Variants in KCNK10 observed in about 807,000 individuals in gnomAD.
The protein encoded by KCNK10 is potassium two pore domain channel subfamily K member 10.
A neutral mutation model predicts 47.7 loss-of-function variants in KCNK10; 25 were observed. That is an observed-to-expected ratio of 0.52 (90% CI 0.38 to 0.73). The LOEUF is 0.73. Among genes scored for constraint, KCNK10 ranks in the 30% least tolerant of loss-of-function variants. The pLI, the probability that KCNK10 is intolerant of heterozygous loss-of-function variation, is 0.00. For synonymous variants in KCNK10, 303 were observed against 285.6 expected (o/e 1.06, Z -0.61); for missense variants, 563 against 714.5 (o/e 0.79, Z 2.42).
intron 1 of KCNK10, among the ~76,000 whole-genome samples, chr14:88,281,161 CCACT>C (rs1027225654): frequency 6.6e-5 from 10 of 152,200 alleles, no homozygotes; most frequent in African/African-American, 2.4e-4. Context: ...CACTCGGTTA[CCACT>C]CAGTTTCTTT....
At chr14:88,234,485 C>G (rs753440825) in intron 3 of KCNK10, among the ~76,000 whole-genome samples, 1 of 152,208 alleles carries the variant, frequency 6.6e-6, no homozygotes, top group Non-Finnish European at 1.5e-5. Context: ...AAACCTGTGC[C>G]GCTAAACCAA....
chr14:88,237,970 T>C (rs2104122), intron 3 of KCNK10, among the ~76,000 whole-genome samples: 30,123 of 152,114 alleles, frequency 0.2, 3,217 homozygotes, highest in East Asian at 0.38. Context: ...AAGTCCTAGA[T>C]GGCATCTTGT....
chr14:88,267,836 G>T lies in KCNK10; in HGVS notation c.53-4285C>A, dbSNP rs571372128. Among the ~76,000 whole-genome samples the T allele has an allele frequency of 9.8e-5, 15 of 152,304 alleles. No individual in the cohort carries two copies. In the South Asian group the frequency reaches 2.9e-3, roughly 29 times the overall value. ...GCAAACTTGGCCAGATGGTGATGAGGATGGTGGTGCTGATGGTGGTGAAGG... is the reference window on the plus strand; with the variant it reads ...GCAAACTTGGCCAGATGGTGATGAGTATGGTGGTGCTGATGGTGGTGAAGG... On this transcript the variant is annotated intron_variant, in intron 1 of 6. Coordinates refer to ENST00000319231, the MANE Select transcript of KCNK10 (RefSeq NM_138317.3).
At chr14:88,245,583 T>C (rs944989349) in intron 2 of KCNK10, among the ~76,000 whole-genome samples, 1 of 152,214 alleles carries the variant, frequency 6.6e-6, no homozygotes, top group Non-Finnish European at 1.5e-5. Flanking sequence ...GGATGAATGA[T>C]GACCCACAGG....
At position 88,188,081 on chromosome 14, in the gene KCNK10, C is replaced by T. The variant is rs529139160; in HGVS notation, c.897G>A (p.Glu299=). ...AAAACCACACTAGGGGCTTATACCA[C>T]TCCCGATAATTGATGCCAGCGTTTC... ...AGGNAGINYR[E]WYKPLVWFWI... is the part of the protein sequence containing the mutation. Residue 299 remains glutamate (E), a synonymous_variant, in exon 6 of 7, where the codon GAG becomes GAA. Coordinates refer to ENST00000319231, the MANE Select transcript of KCNK10 (RefSeq NM_138317.3). 1.5e-5 allele frequency: 25 copies of T among 1,614,226 alleles called. No individual in the cohort carries two copies. The South Asian group carries it at 2.3e-4, about 15-fold the overall frequency.
In KCNK10 at chr14:88,192,306, G is replaced by A; in HGVS notation, c.786C>T (p.Tyr262=). ...FVTIPAVIFK[Y]IEGWTALESI... The stretch of plus-strand genomic sequence containing the variant: ...ACTCCAAGGCCGTCCAGCCCTCGAT[G>A]TACTTAAAGATGACAGCAGGGATCG... The change falls in exon 5 of 7, where the codon TAC becomes TAT. Residue 262 remains tyrosine, a synonymous_variant. Coordinates refer to ENST00000319231, the MANE Select transcript of KCNK10 (RefSeq NM_138317.3). 2 of 1,614,138 alleles carry A rather than the reference G, an allele frequency of 1.2e-6. No homozygotes were observed. Among genetic ancestry groups the A allele is most frequent in the Middle Eastern group, 1.6e-4 (1 of 6,062 alleles).
intron 1 of KCNK10, among the ~76,000 whole-genome samples, chr14:88,278,499 T>C (rs941038976): frequency 6.6e-6 from 1 of 152,182 alleles, no homozygotes; most frequent in African/African-American, 2.4e-5. Context: ...TAGAGTTCCC[T>C]AAATTAATGT....
intron 1 of KCNK10, among the ~76,000 whole-genome samples, chr14:88,267,971 A>G (rs544330193): frequency 6.6e-6 from 1 of 152,192 alleles, no homozygotes; most frequent in African/African-American, 2.4e-5. Flanking sequence ...ATCACACTGC[A>G]TGAGTCCAGG....
At chr14:88,313,073 A>T (rs1404899765) in intron 1 of KCNK10, among the ~76,000 whole-genome samples, 2 of 152,232 alleles carry the variant, frequency 1.3e-5, no homozygotes, top group Non-Finnish European at 2.9e-5. Flanking sequence ...GCTTTAAATC[A>T]GACAGACTCG....
chr14:88,286,861 A>G (rs1157982691), intron 1 of KCNK10, among the ~76,000 whole-genome samples: 1 of 152,206 alleles, frequency 6.6e-6, no homozygotes, highest in East Asian at 1.9e-4. Context: ...GGGAGCTACA[A>G]TTCAAAATGA....
At chr14:88,240,587 C>T (rs1566698443) in intron 3 of KCNK10, 116 bp downstream of exon 3, 1 of 665,086 alleles carries the variant, frequency 1.5e-6, no homozygotes, top group Non-Finnish European at 2.7e-6. Context: ...GACAGTGTTT[C>T]GTAAGCCTCC....
At chr14:88,223,721 T>C (rs1188444718) in intron 4 of KCNK10, among the ~76,000 whole-genome samples, 1 of 152,240 alleles carries the variant, frequency 6.6e-6, no homozygotes, top group Non-Finnish European at 1.5e-5. Flanking sequence ...TTTGTTTGTT[T>C]GTTGGCAAGC....
intron 2 of KCNK10, among the ~76,000 whole-genome samples, chr14:88,241,445 G>A: frequency 6.6e-6 from 1 of 152,056 alleles, no homozygotes; most frequent in East Asian, 1.9e-4. Context: ...TCCCAGTTAG[G>A]GTTTACCAAA....
intron 1 of KCNK10, among the ~76,000 whole-genome samples, chr14:88,272,291 A>G (rs1427285870): frequency 1.3e-5 from 2 of 152,188 alleles, no homozygotes; most frequent in African/African-American, 2.4e-5. Context: ...TGTTCTATGC[A>G]AGCAAATGCA....
chr14:88,296,970 A>G (rs1229939557), intron 1 of KCNK10, among the ~76,000 whole-genome samples: 1 of 152,218 alleles, frequency 6.6e-6, no homozygotes, highest in Non-Finnish European at 1.5e-5. Flanking sequence ...ATTATGACAT[A>G]TTGCTAGTAA....
At chr14:88,284,897 C>T (rs934964119) in intron 1 of KCNK10, among the ~76,000 whole-genome samples, 1 of 152,120 alleles carries the variant, frequency 6.6e-6, no homozygotes, top group Non-Finnish European at 1.5e-5. Context: ...AAAATGGGTA[C>T]GATAAAGTAA....
At chr14:88,214,500 T>A (rs8010735) in intron 4 of KCNK10, among the ~76,000 whole-genome samples, 40,004 of 152,176 alleles carry the variant, frequency 0.26, 5,796 homozygotes, top group Non-Finnish European at 0.32. Context: ...TGGTACAGTA[T>A]AGGCCCCTCT....
chr14:88,310,541 C>T (rs1888306372), intron 1 of KCNK10, among the ~76,000 whole-genome samples: 1 of 152,128 alleles, frequency 6.6e-6, no homozygotes, highest in Non-Finnish European at 1.5e-5. Flanking sequence ...AATCCCACCC[C>T]CTGTGGCTGT....
chr14:88,196,063 C>T (rs1884902829), intron 4 of KCNK10, among the ~76,000 whole-genome samples: 1 of 152,194 alleles, frequency 6.6e-6, no homozygotes. Context: ...ATAGGATGGT[C>T]GTTGTACTTC....
Sources: allele counts gnomAD v4.1 joint callset (sites outside exome capture counted in the v4.1 genomes callset), GRCh38; gene constraint gnomAD v4.1.1; transcripts MANE v1.5; gene names NCBI Gene and HGNC (gene_info 2026-07-23, HGNC 2026-07-21).